FHIT: variants seen among roughly 807,000 people sequenced by gnomAD.
The protein encoded by FHIT is bis(5'-adenosyl)-triphosphatase.
In FHIT, 19 loss-of-function variants were observed where a neutral mutation model predicts 17.9. The observed-to-expected ratio is 1.06, with a 90% CI of 0.74 to 1.56. The LOEUF (loss-of-function observed/expected upper bound fraction) is 1.56, where lower values mean the gene tolerates loss of function less well. FHIT is among the 40% of genes most tolerant of loss of function. FHIT has a pLI of 0.00. For synonymous variants in FHIT, 81 were observed against 69.7 expected (o/e 1.16, Z -0.81); for missense variants, 248 against 189.2 (o/e 1.31, Z -1.82).
At chr3:60,191,094 C>T (rs1245213957) in intron 5 of FHIT, among the ~76,000 whole-genome samples, 1 of 151,600 alleles carries the variant, frequency 6.6e-6, no homozygotes, top group African/African-American at 2.4e-5. Flanking sequence ...GGCAGTATCC[C>T]ACAATTAAAA....
chr3:61,133,506 G>C (rs1000723701), intron 2 of FHIT, among the ~76,000 whole-genome samples: 5 of 152,072 alleles, frequency 3.3e-5, no homozygotes, highest in Admixed American at 3.3e-4. Flanking sequence ...GAATAAACAA[G>C]GTAAATTGGA....
At chr3:60,463,317 T>C (rs2032587572) in intron 5 of FHIT, among the ~76,000 whole-genome samples, 1 of 152,130 alleles carries the variant, frequency 6.6e-6, no homozygotes, top group Non-Finnish European at 1.5e-5. Context: ...CTAAGGAAAA[T>C]GATATATCTA....
chr3:61,141,728 G>C (rs778993773), intron 2 of FHIT, among the ~76,000 whole-genome samples: 1 of 151,514 alleles, frequency 6.6e-6, no homozygotes, highest in African/African-American at 2.4e-5. Context: ...AAAAACGGAG[G>C]TCATTTATAG....
intron 6 of FHIT, 71 bp downstream of exon 6, chr3:60,013,936 C>G: frequency 6.7e-7 from 1 of 1,482,484 alleles, no homozygotes; most frequent in Non-Finnish European, 9.3e-7. Flanking sequence ...GGTAAGATAT[C>G]AGGAGGAGCA....
At chr3:60,395,542 G>C (rs1430567774) in intron 5 of FHIT, among the ~76,000 whole-genome samples, 1 of 152,178 alleles carries the variant, frequency 6.6e-6, no homozygotes, top group African/African-American at 2.4e-5. Flanking sequence ...AAAAGCGAAT[G>C]AGTCATGCCT....
At chr3:61,032,169 T>C (rs920124732) in intron 3 of FHIT, among the ~76,000 whole-genome samples, 2 of 152,226 alleles carry the variant, frequency 1.3e-5, no homozygotes, top group Non-Finnish European at 2.9e-5. Flanking sequence ...GAGGAACTCC[T>C]ACAGGTAAAT....
chr3:60,789,376 C>T (rs552264879), intron 4 of FHIT, among the ~76,000 whole-genome samples: 5 of 151,870 alleles, frequency 3.3e-5, no homozygotes, highest in South Asian at 2.1e-4. Context: ...AAATTAGCTG[C>T]GCATGGTGGT....
At chr3:60,699,612 C>T (rs782040329) in intron 4 of FHIT, among the ~76,000 whole-genome samples, 3 of 143,622 alleles carry the variant, frequency 2.1e-5, no homozygotes, top group Non-Finnish European at 3.0e-5. Context: ...GTGGGTGCAG[C>T]GCACCAGCAT....
chr3:60,303,600 T>G (rs1708537700), intron 5 of FHIT, among the ~76,000 whole-genome samples: 1 of 152,138 alleles, frequency 6.6e-6, no homozygotes, highest in Non-Finnish European at 1.5e-5. Context: ...AGTGTTGATG[T>G]GTGCCGCTTC....
rs144592323 is a variant in FHIT at position 59,802,555 on chromosome 3, A to G, written c.349-50234T>C. On this transcript the variant is annotated intron_variant, in intron 8 of 9. Transcript: ENST00000492590. ...CTTGTGACCCCCGCCCCTGCCCACC[A>G]GAGAACAACCCCCTTTGACTGTGAT... 6.0e-3 allele frequency among the ~76,000 whole-genome samples: 901 copies of G among 150,286 alleles called. 9 individuals are homozygous for G. Among genetic ancestry groups the G allele is most frequent in the African/African-American group, 0.02 (829 of 40,948 alleles).
chr3:60,463,154 G>T (rs1419279469), intron 5 of FHIT, among the ~76,000 whole-genome samples: 1 of 152,172 alleles, frequency 6.6e-6, no homozygotes, highest in African/African-American at 2.4e-5. Flanking sequence ...GAAGGCAACA[G>T]ATATATCACA....
intron 5 of FHIT, among the ~76,000 whole-genome samples, chr3:60,202,465 C>T (rs749539144): frequency 5.3e-5 from 8 of 152,172 alleles, no homozygotes; most frequent in Non-Finnish European, 1.0e-4. Flanking sequence ...CATCCTTTGT[C>T]ACGGTGTGTG....
At chr3:60,454,877 ATTT>A (rs1446138272) in intron 5 of FHIT, among the ~76,000 whole-genome samples, 1 of 151,942 alleles carries the variant, frequency 6.6e-6, no homozygotes, top group African/African-American at 2.4e-5. Context: ...AGGCACAGAG[ATTT>A]TTAAGTCACT....
chr3:60,773,542 T>C (rs1700116269), intron 4 of FHIT, among the ~76,000 whole-genome samples: 1 of 152,234 alleles, frequency 6.6e-6, no homozygotes. Flanking sequence ...TTTTTCTATG[T>C]CTTCTCTCTT....
intron 5 of FHIT, among the ~76,000 whole-genome samples, chr3:60,260,810 C>G (rs576954436): frequency 2.4e-4 from 36 of 152,032 alleles, no homozygotes; most frequent in Admixed American, 6.6e-4. Context: ...CAAAACCCAT[C>G]GAAACCAAGA....
At chr3:60,035,873 A>G (rs1701195137) in intron 5 of FHIT, among the ~76,000 whole-genome samples, 1 of 152,160 alleles carries the variant, frequency 6.6e-6, no homozygotes, top group Non-Finnish European at 1.5e-5. Flanking sequence ...AGGTGTTGCT[A>G]TGATAACAAG....
intron 5 of FHIT, among the ~76,000 whole-genome samples, chr3:60,514,386 C>G (rs762664605): frequency 6.6e-6 from 1 of 152,226 alleles, no homozygotes; most frequent in Admixed American, 6.5e-5. Context: ...TTTCCTTGCA[C>G]GCTCCCTCCC....
At chr3:60,646,553 A>T (rs1449726294) in intron 4 of FHIT, among the ~76,000 whole-genome samples, 3 of 152,210 alleles carry the variant, frequency 2.0e-5, no homozygotes, top group Non-Finnish European at 4.4e-5. Flanking sequence ...ATCAAAAGTG[A>T]CTGGATTCAT....
rs1300524382 is a variant in FHIT, at chr3:60,902,504, CA to C, written c.-110-80494del. Among the ~76,000 whole-genome samples the C allele has an allele frequency of 7.9e-5, 12 of 152,140 alleles. 1 individual carries two copies. The highest frequency in any genetic ancestry group is 2.9e-4 in the African/African-American group (12 of 41,444). ...AGAGATGCCCATAGCCAGGCCTGAT[CA>C]AATAACATATTCAGTCATCCTGATA... On this transcript the variant is annotated intron_variant, in intron 3 of 9. Transcript: ENST00000492590.
Sources: gnomAD v4.1 joint callset for allele counts (sites outside exome capture counted in the v4.1 genomes callset) on GRCh38, gnomAD v4.1.1 for gene constraint, MANE v1.5 for transcripts, NCBI Gene and HGNC (gene_info 2026-07-23, HGNC 2026-07-21) for gene names.